CA10: variants seen among roughly 807,000 people sequenced by gnomAD.
The protein encoded by CA10 is carbonic anhydrase 10 (inactive).
CA10 carries 14 observed loss-of-function variants against 44.2 expected under a neutral mutation model. The ratio of observed to expected loss-of-function variants is 0.32; its 90% confidence interval spans 0.21 to 0.50. CA10 has a LOEUF of 0.50. Among genes scored for constraint, CA10 ranks in the 20% least tolerant of loss-of-function variants. The probability of loss-of-function intolerance (pLI) is 0.99; values close to 1 mark genes in which losing one functional copy is unlikely to be tolerated. For missense variants in CA10, 350 were observed against 409.7 expected, an observed-to-expected ratio of 0.85 and a Z score of 1.26; for synonymous variants, 159 against 141.6, an observed-to-expected ratio of 1.12 and a Z score of -0.87.
chr17:51,885,993 A>T (rs1332901739), intron 3 of CA10, among the ~76,000 whole-genome samples: 1 of 152,250 alleles, frequency 6.6e-6, no homozygotes, highest in Non-Finnish European at 1.5e-5. Context: ...CAATAAACAA[A>T]AGCCTTCGAG....
intron 2 of CA10, among the ~76,000 whole-genome samples, chr17:52,043,944 AATTCAATTTGCTAGT>A (rs1373148165): frequency 6.6e-6 from 1 of 152,028 alleles, no homozygotes. Flanking sequence ...TGTGCTGTTG[AATTCAATTTGCTAGT>A]ATTTTGCTGA....
intron 3 of CA10, among the ~76,000 whole-genome samples, chr17:51,883,046 A>C (rs1980445843): frequency 6.6e-6 from 1 of 152,198 alleles, no homozygotes; most frequent in South Asian, 2.1e-4. Flanking sequence ...CTAAACTATT[A>C]GTGGTGGGTC....
intron 4 of CA10, among the ~76,000 whole-genome samples, chr17:51,725,996 G>A (rs527511865): frequency 1.3e-5 from 2 of 152,208 alleles, no homozygotes; most frequent in African/African-American, 4.8e-5. Context: ...GTCGGGGAGT[G>A]AAAGTAGTGA....
intron 2 of CA10, among the ~76,000 whole-genome samples, chr17:52,059,131 T>TAG (rs1213038891): frequency 6.6e-6 from 1 of 152,140 alleles, no homozygotes; most frequent in African/African-American, 2.4e-5. Context: ...ATCAGAAATC[T>TAG]AGAGAGAGAG....
rs370755314 is a variant in CA10, at chr17:51,907,881, AG to A, written c.279+23108del. ...TTCCTGTGCACAATGTCCATGTCAG[AG>A]GATGTTTCCTGGGGAACCTGATCTG... On this transcript the variant is annotated intron_variant, in intron 3 of 8. Coordinates refer to ENST00000451037, the MANE Select transcript of CA10 (RefSeq NM_020178.5). Among the ~76,000 whole-genome samples, 128 of 152,272 alleles carry A rather than the reference AG, an allele frequency of 8.4e-4. No homozygotes were observed. In the South Asian group the frequency reaches 0.018, roughly 21 times the overall value.
At chr17:51,840,162 G>GC (rs1337114610) in intron 3 of CA10, among the ~76,000 whole-genome samples, 1 of 152,168 alleles carries the variant, frequency 6.6e-6, no homozygotes, top group Admixed American at 6.5e-5. Flanking sequence ...TAATGATAGT[G>GC]CCCACCTCAC....
intron 3 of CA10, among the ~76,000 whole-genome samples, chr17:51,807,536 T>A (rs898454210): frequency 6.6e-6 from 1 of 152,224 alleles, no homozygotes; most frequent in African/African-American, 2.4e-5. Flanking sequence ...AATGCTTATA[T>A]CTGTTGTCCA....
At chr17:52,077,640 C>CAA (rs112746158) in intron 1 of CA10, among the ~76,000 whole-genome samples, 5 of 84,902 alleles carry the variant, frequency 5.9e-5, no homozygotes, top group Non-Finnish European at 8.2e-5. Flanking sequence ...AGCTACTTTA[C>CAA]AAAAAAAAAA....
chr17:52,028,825 C>A (rs1193229207), intron 2 of CA10, among the ~76,000 whole-genome samples: 7 of 152,184 alleles, frequency 4.6e-5, no homozygotes, highest in Admixed American at 2.0e-4. Flanking sequence ...GCCCACAAAG[C>A]TTCTGCTGTG....
intron 2 of CA10, among the ~76,000 whole-genome samples, chr17:52,025,669 A>G (rs1986277719): frequency 6.6e-6 from 1 of 152,120 alleles, no homozygotes; most frequent in Non-Finnish European, 1.5e-5. Flanking sequence ...GGACACTGCC[A>G]TTTCTATTCA....
chr17:51,801,405 A>G (rs1285081578), intron 3 of CA10, among the ~76,000 whole-genome samples: 2 of 152,050 alleles, frequency 1.3e-5, no homozygotes, highest in Non-Finnish European at 2.9e-5. Context: ...GAAAGATAAG[A>G]CAGTAGCTTC....
At chr17:51,826,400 A>T (rs1455266453) in intron 3 of CA10, among the ~76,000 whole-genome samples, 2 of 152,200 alleles carry the variant, frequency 1.3e-5, no homozygotes, top group Non-Finnish European at 2.9e-5. Flanking sequence ...CTTCTTGTGT[A>T]AAATATGGAT....
rs957630587 is a variant in CA10 at position 51,773,579 on chromosome 17, A to T, written c.280-25761T>A. Among the ~76,000 whole-genome samples, 9 of 152,220 alleles carry T rather than the reference A, an allele frequency of 5.9e-5. 1 individual carries two copies. Among genetic ancestry groups the T allele is most frequent in the African/African-American group, 2.2e-4 (9 of 41,460 alleles). On this transcript the variant is annotated intron_variant, in intron 3 of 8. Coordinates refer to ENST00000451037, the MANE Select transcript of CA10 (RefSeq NM_020178.5). The stretch of plus-strand genomic sequence containing the variant: ...GGTCTAAATCTTGGTTCTGCTCCTT[A>T]TAATCAGTGTGACCACGGGAAAACT...
chr17:52,098,966 T>A (rs1317805404), intron 1 of CA10, among the ~76,000 whole-genome samples: 1 of 152,194 alleles, frequency 6.6e-6, no homozygotes, highest in Non-Finnish European at 1.5e-5. Flanking sequence ...ATTTATATTC[T>A]GCTGGGGTCA....
rs187603331 is a variant in CA10 at position 52,065,703 on chromosome 17, A to G, written c.136+6616T>C. 1.9e-3 allele frequency among the ~76,000 whole-genome samples: 291 copies of G among 152,304 alleles called. 2 individuals carry two copies. The highest frequency in any genetic ancestry group is 6.8e-3 in the Middle Eastern group (2 of 294). On this transcript the variant is annotated intron_variant, in intron 2 of 8. Coordinates refer to ENST00000451037, the MANE Select transcript of CA10 (RefSeq NM_020178.5). ...AAACTCCCAGTTGGTATGGCCCTCC[A>G]TAATCAGGCCCCTGCTGCTCTCCAA...
At chr17:51,644,652 G>A (rs1913244422) in intron 6 of CA10, among the ~76,000 whole-genome samples, 1 of 152,046 alleles carries the variant, frequency 6.6e-6, no homozygotes, top group Non-Finnish European at 1.5e-5. Context: ...CCACGGATAC[G>A]CTTCATCCAC....
chr17:52,044,862 G>C (rs1472379747), intron 2 of CA10, among the ~76,000 whole-genome samples: 1 of 151,932 alleles, frequency 6.6e-6, no homozygotes, highest in Non-Finnish European at 1.5e-5. Context: ...TGTATAACTA[G>C]AATCCCAGAA....
intron 3 of CA10, among the ~76,000 whole-genome samples, chr17:51,839,275 G>A (rs543798403): frequency 4.5e-4 from 68 of 152,174 alleles, no homozygotes; most frequent in African/African-American, 1.5e-3. Flanking sequence ...GGCGGATCAC[G>A]AGGTCAGGAG....
intron 3 of CA10, among the ~76,000 whole-genome samples, chr17:51,828,758 A>C (rs1908123824): frequency 6.6e-6 from 1 of 152,266 alleles, no homozygotes; most frequent in African/African-American, 2.4e-5. Flanking sequence ...GTGCTGTCAT[A>C]GCTAAATGCA....
Sources: gnomAD v4.1 joint callset for allele counts (sites outside exome capture counted in the v4.1 genomes callset) on GRCh38, gnomAD v4.1.1 for gene constraint, MANE v1.5 for transcripts, NCBI Gene and HGNC (gene_info 2026-07-23, HGNC 2026-07-21) for gene names.